Variants in CPEB1 observed in about 807,000 individuals in gnomAD.
The protein encoded by CPEB1 is cytoplasmic polyadenylation element binding protein 1, also known as cytoplasmic polyadenylation element-binding protein 1.
Under a neutral mutation model 65.8 loss-of-function variants are expected in CPEB1, and 7 were observed. The observed-to-expected ratio is 0.11, with a 90% CI of 0.06 to 0.20. The LOEUF (loss-of-function observed/expected upper bound fraction) is 0.20, where lower values mean the gene tolerates loss of function less well. Ranked by LOEUF, CPEB1 falls within the 10% of genes least tolerant of loss-of-function variation. CPEB1 has a pLI of 1.00. For synonymous variants in CPEB1, 262 were observed against 260.0 expected (o/e 1.01, Z -0.08); for missense variants, 551 against 712.2 (o/e 0.77, Z 2.58).
intron 12 of CPEB1, 78 bp downstream of exon 12, chr15:82,546,363 G>A: frequency 4.3e-6 from 5 of 1,166,604 alleles, no homozygotes; most frequent in East Asian, 2.4e-5. Context: ...CCAAAGTGCT[G>A]GGATTACAGG....
rs373001029 is a variant in CPEB1, at chr15:82,619,437, T to C, written c.271+7756A>G. Reference sequence around the variant, plus strand: ...AACACAATGGAATAAAGTCAGTAAATTATACTTCATTACAATTTAAGTTTT... The same window carrying C: ...AACACAATGGAATAAAGTCAGTAAACTATACTTCATTACAATTTAAGTTTT... On this transcript the variant is annotated intron_variant, in intron 3 of 12. Coordinates refer to ENST00000684509, the MANE Select transcript of CPEB1 (RefSeq NM_001365242.1). 2.1e-3 allele frequency among the ~76,000 whole-genome samples: 316 copies of C among 152,324 alleles called. 1 individual carries two copies. The highest frequency in any genetic ancestry group is 7.5e-3 in the African/African-American group (310 of 41,566).
intron 1 of CPEB1, among the ~76,000 whole-genome samples, chr15:82,641,161 A>C (rs746041365): frequency 1.8e-4 from 28 of 152,062 alleles, no homozygotes; most frequent in Non-Finnish European, 8.8e-5. Context: ...TTTGGTGTCA[A>C]CTCCAAGTTA....
chr15:82,544,561 C>A lies in CPEB1; in HGVS notation c.*31G>T, dbSNP rs1346335759. 99 of 1,559,718 alleles carry A rather than the reference C, an allele frequency of 6.3e-5. No homozygotes were observed. In the East Asian group the frequency reaches 2.0e-3, roughly 31 times the overall value. ...GCTTGCCTGACCTGCCAGCTTTGGG[C>A]GCCACAGGCCACTGGGCAAGGCCAG... is the stretch of plus-strand genomic sequence containing the variant. On this transcript the variant is annotated 3_prime_UTR_variant, in exon 13 of 13. Coordinates refer to ENST00000684509, the MANE Select transcript of CPEB1 (RefSeq NM_001365242.1).
At chr15:82,646,570 G>A (rs181485937) in intron 1 of CPEB1, among the ~76,000 whole-genome samples, 178 of 152,286 alleles carry the variant, frequency 1.2e-3, no homozygotes, top group Non-Finnish European at 1.9e-3. Context: ...CACGGTGCAA[G>A]GGGCCAGGGC....
chr15:82,630,169 T>C, intron 1 of CPEB1: 1 of 941,288 alleles, frequency 1.1e-6, no homozygotes, highest in South Asian at 4.9e-5. Flanking sequence ...ACTCCTGGGC[T>C]CAAGTGCTCC....
intron 3 of CPEB1, among the ~76,000 whole-genome samples, chr15:82,620,120 A>G (rs780396838): frequency 4.6e-5 from 7 of 152,200 alleles, no homozygotes; most frequent in South Asian, 2.1e-4. Context: ...TAAAGAGTAC[A>G]TATCTGGGCC....
chr15:82,561,428 C>T (rs1037877914), intron 4 of CPEB1, among the ~76,000 whole-genome samples: 1 of 152,088 alleles, frequency 6.6e-6, no homozygotes, highest in African/African-American at 2.4e-5. Flanking sequence ...TCAAGTGGCA[C>T]AGCAGAGAGC....
chr15:82,644,404 G>A (rs866644178), intron 1 of CPEB1, among the ~76,000 whole-genome samples: 1 of 152,196 alleles, frequency 6.6e-6, no homozygotes, highest in Non-Finnish European at 1.5e-5. Flanking sequence ...TAACAGCCTT[G>A]TGACTTGATT....
chr15:82,625,457 T>A (rs1050420001), intron 3 of CPEB1, among the ~76,000 whole-genome samples: 1 of 152,130 alleles, frequency 6.6e-6, no homozygotes, highest in Non-Finnish European at 1.5e-5. Context: ...TAACGCCAAG[T>A]TAAAAAAATA....
chr15:82,605,011 A>G (rs2043440625), intron 3 of CPEB1, among the ~76,000 whole-genome samples: 1 of 152,226 alleles, frequency 6.6e-6, no homozygotes, highest in Non-Finnish European at 1.5e-5. Flanking sequence ...CAATCATCAT[A>G]TATGACATAC....
intron 1 of CPEB1, chr15:82,629,463 A>AT: frequency 2.0e-6 from 2 of 978,368 alleles, no homozygotes; most frequent in Non-Finnish European, 2.4e-6. Context: ...TATATATATA[A>AT]AAAATCATGA....
rs760797202 is a variant in CPEB1, at chr15:82,576,325, AAAG to A, written c.272-4796_272-4794del. On this transcript the variant is annotated intron_variant, in intron 3 of 12. Coordinates refer to ENST00000684509, the MANE Select transcript of CPEB1 (RefSeq NM_001365242.1). ...AGGTAGATTAGGAAGGGGTACAAGG[AAAG>A]TAGCTGAGGTGATGCTAACAGTGTG... Among the ~76,000 whole-genome samples, 233 of 152,326 alleles carry A rather than the reference AAAG, an allele frequency of 1.5e-3. 2 individuals carry two copies. The highest frequency in any genetic ancestry group is 1.0e-3 in the Non-Finnish European group (71 of 68,030).
Position 82,584,903 on chromosome 15 carries a change from C to CTTTTTTTTTTTTTTTTTTTT in CPEB1, c.272-13372_272-13371insAAAAAAAAAAAAAAAAAAAA, listed in dbSNP as rs3080692. 6.5e-4 allele frequency among the ~76,000 whole-genome samples: 53 copies of CTTTTTTTTTTTTTTTTTTTT among 81,728 alleles called. 4 individuals carry two copies. Among genetic ancestry groups the CTTTTTTTTTTTTTTTTTTTT allele is most frequent in the African/African-American group, 1.3e-3 (22 of 16,870 alleles). 53.6% of individuals were successfully genotyped at this position (81,728 alleles called of 152,430 possible). A position where few individuals can be genotyped will look rare whatever the true frequency, so the allele number is the denominator to read the frequency against. On this transcript the variant is annotated intron_variant, in intron 3 of 12. Coordinates refer to ENST00000684509, the MANE Select transcript of CPEB1 (RefSeq NM_001365242.1). ...GACATAATTTTTTTTTCCTAATTTG[C>CTTTTTTTTTTTTTTTTTTTT]TTTTTTTTTTTTTTTTTTTACAGTG...
At chr15:82,639,591 T>C (rs1288454309) in intron 1 of CPEB1, among the ~76,000 whole-genome samples, 1 of 152,158 alleles carries the variant, frequency 6.6e-6, no homozygotes, top group Admixed American at 6.5e-5. Flanking sequence ...TGTGGATATA[T>C]GTATTTATCC....
intron 1 of CPEB1, chr15:82,628,989 TATAC>T (rs1412002603): frequency 1.3e-5 from 2 of 157,610 alleles, no homozygotes; most frequent in Non-Finnish European, 2.8e-5. Flanking sequence ...GAGTCAAAGT[TATAC>T]ATAGATATTT....
rs760324550 is a variant in CPEB1, at chr15:82,552,577, C to T, written c.1184G>A (p.Arg395Gln). Reference protein sequence around the residue: ...YLVFELEKSVRSLLQACSHDP... With the variant: ...YLVFELEKSVQSLLQACSHDP... ...ATGAGAGCAAGCCTGAAGCAAGGAT[C>T]GGACAGACTTCTCTAGTTCGAAGAC... Residue 395 changes from arginine to glutamine, a missense_variant, in exon 9 of 13, where the codon CGA becomes CAA. Around this residue, in one of 6 missense-constraint regions of CPEB1, gnomAD observed 99 missense variants for 161.3 expected, o/e 0.61. Coordinates refer to ENST00000684509, the MANE Select transcript of CPEB1 (RefSeq NM_001365242.1). The T allele has an allele frequency of 1.3e-5, 21 of 1,613,840 alleles. No individual in the cohort carries two copies. The highest frequency in any genetic ancestry group is 5.0e-5 in the Admixed American group (3 of 59,986).
chr15:82,544,351 T>G lies in CPEB1; in HGVS notation c.*241A>C. 2.1e-4 allele frequency: 67 copies of G among 318,796 alleles called. No individual in the cohort carries two copies. Among genetic ancestry groups the G allele is most frequent in the East Asian group, 4.2e-4 (8 of 19,196 alleles). 19.7% of individuals were successfully genotyped at this position (318,796 alleles called of 1,614,324 possible). A position where few individuals can be genotyped will look rare whatever the true frequency, so the allele number is the denominator to read the frequency against. ...AAATCTGGGAAAACTACAGAGTCGC[T>G]TGGAGGGTAAGCCAGAGGGTCCTTG... On this transcript the variant is annotated 3_prime_UTR_variant, in exon 13 of 13. Coordinates refer to ENST00000684509, the MANE Select transcript of CPEB1 (RefSeq NM_001365242.1).
intron 3 of CPEB1, among the ~76,000 whole-genome samples, chr15:82,573,700 C>A (rs1327469553): frequency 1.3e-5 from 2 of 152,086 alleles, no homozygotes. Context: ...GTGTGGCAGA[C>A]CAGCAATATG....
chr15:82,556,262 T>C (rs999450242), intron 5 of CPEB1, 140 bp from the exon 6 acceptor site: 83 of 949,064 alleles, frequency 8.7e-5, no homozygotes, highest in Non-Finnish European at 1.2e-4. Flanking sequence ...TCCTGAGCAA[T>C]TTTGATTAGT....
Sources: allele counts gnomAD v4.1 joint callset (sites outside exome capture counted in the v4.1 genomes callset), GRCh38; gene constraint gnomAD v4.1.1; regional missense constraint gnomAD v4.1.1; transcripts MANE v1.5; gene names NCBI Gene and HGNC (gene_info 2026-07-23, HGNC 2026-07-21).